The following CSMD1 variants were observed in gnomAD, a reference collection of about 807,000 sequenced individuals.
CSMD1 encodes CUB and sushi domain-containing protein 1.
In CSMD1, 213 loss-of-function variants were observed where a neutral mutation model predicts 417.5. The ratio of observed to expected loss-of-function variants is 0.51; its 90% confidence interval spans 0.46 to 0.57. CSMD1 has a LOEUF of 0.57. Among genes scored for constraint, CSMD1 ranks in the 20% least tolerant of loss-of-function variants. The pLI is 0.00. For synonymous variants in CSMD1, 2,862 were observed against 1,736.8 expected (o/e 1.65, Z -16.11); for missense variants, 6,923 against 4,529.7 (o/e 1.53, Z -15.17).
intron 23 of CSMD1, among the ~76,000 whole-genome samples, chr8:3,318,472 A>G (rs1002608696): frequency 7.2e-5 from 11 of 152,198 alleles, no homozygotes; most frequent in Non-Finnish European, 1.6e-4. Context: ...CTCACCAGAA[A>G]CTCATAGTCT....
intron 3 of CSMD1, among the ~76,000 whole-genome samples, chr8:4,188,567 A>T (rs1161221973): frequency 6.6e-6 from 1 of 152,120 alleles, no homozygotes; most frequent in Non-Finnish European, 1.5e-5. Flanking sequence ...TGAGGTAGAC[A>T]CTGTCAACTG....
intron 1 of CSMD1, among the ~76,000 whole-genome samples, chr8:4,852,806 AGGAACTTACTG>A (rs1801557416): frequency 6.6e-6 from 1 of 152,162 alleles, no homozygotes; most frequent in African/African-American, 2.4e-5. Flanking sequence ...GATGAAAATG[AGGAACTTACTG>A]GGAACTGGAG....
At chr8:4,366,740 G>A (rs549081552) in intron 3 of CSMD1, among the ~76,000 whole-genome samples, 1 of 151,632 alleles carries the variant, frequency 6.6e-6, no homozygotes, top group Non-Finnish European at 1.5e-5. Context: ...TAAGTTTTAG[G>A]GTACATGTGA....
intron 3 of CSMD1, among the ~76,000 whole-genome samples, chr8:4,122,017 T>C (rs1365539176): frequency 2.0e-5 from 3 of 152,048 alleles, no homozygotes; most frequent in Non-Finnish European, 4.4e-5. Flanking sequence ...AGAATAATTT[T>C]AAATCTATAA....
At chr8:4,716,241 C>A (rs1808647816) in intron 1 of CSMD1, among the ~76,000 whole-genome samples, 1 of 152,170 alleles carries the variant, frequency 6.6e-6, no homozygotes, top group African/African-American at 2.4e-5. Context: ...TGCCAAGAAT[C>A]CTTACACTTC....
rs75549574 is a variant in CSMD1, at chr8:4,699,079, T to A, written c.86-61521A>T. Among the ~76,000 whole-genome samples the A allele has an allele frequency of 8.5e-5, 13 of 152,308 alleles. No homozygotes were observed. The East Asian group carries it at 2.5e-3, about 29-fold the overall frequency. Reference sequence around the variant, plus strand: ...GAAAAAATGTGCTTTGACGTAGATGTCCTGCTAGAGTTTGAGGTCTTCGCT... The same window carrying A: ...GAAAAAATGTGCTTTGACGTAGATGACCTGCTAGAGTTTGAGGTCTTCGCT... On this transcript the variant is annotated intron_variant, in intron 1 of 69. Transcript: ENST00000635120.
chr8:4,259,096 A>C (rs987171842), intron 3 of CSMD1, among the ~76,000 whole-genome samples: 3 of 152,298 alleles, frequency 2.0e-5, no homozygotes, highest in Admixed American at 1.3e-4. Context: ...TGTAGCATTT[A>C]CCTCTGAAAG....
intron 55 of CSMD1, among the ~76,000 whole-genome samples, chr8:2,978,408 C>A (rs189851059): frequency 1.3e-5 from 2 of 152,158 alleles, no homozygotes; most frequent in East Asian, 3.8e-4. Flanking sequence ...ATACCAGCAT[C>A]CCCCGACCCT....
At chr8:3,645,397 C>T (rs1192836689) in intron 7 of CSMD1, among the ~76,000 whole-genome samples, 14 of 152,320 alleles carry the variant, frequency 9.2e-5, no homozygotes, top group Middle Eastern at 3.4e-3. Context: ...TGAAGCTCGG[C>T]TTCGGGTGTC....
At chr8:4,247,252 G>A (rs959667846) in intron 3 of CSMD1, among the ~76,000 whole-genome samples, 1 of 152,150 alleles carries the variant, frequency 6.6e-6, no homozygotes, top group Non-Finnish European at 1.5e-5. Flanking sequence ...TAACTATTGA[G>A]TACAATGACC....
chr8:4,069,546 C>CT (rs1334980304), intron 3 of CSMD1, among the ~76,000 whole-genome samples: 1 of 152,220 alleles, frequency 6.6e-6, no homozygotes, highest in East Asian at 1.9e-4. Context: ...CACCCTCCCT[C>CT]TCCGCCTCCC....
At chr8:4,166,357 G>A (rs1417715811) in intron 3 of CSMD1, among the ~76,000 whole-genome samples, 3 of 152,076 alleles carry the variant, frequency 2.0e-5, no homozygotes, top group Non-Finnish European at 2.9e-5. Context: ...TACACCTACA[G>A]CACATGTTAT....
intron 4 of CSMD1, among the ~76,000 whole-genome samples, chr8:4,001,522 C>A (rs774964509): frequency 1.6e-3 from 243 of 152,298 alleles, no homozygotes; most frequent in African/African-American, 5.6e-3. Context: ...TGAGTACCAA[C>A]CCTGATCAAA....
intron 1 of CSMD1, among the ~76,000 whole-genome samples, chr8:4,920,378 G>C (rs1806356478): frequency 6.6e-6 from 1 of 152,210 alleles, no homozygotes; most frequent in South Asian, 2.1e-4. Flanking sequence ...AATGCATATG[G>C]AAATGCTGGC....
At chr8:4,554,361 T>A (rs1797999918) in intron 2 of CSMD1, among the ~76,000 whole-genome samples, 1 of 152,132 alleles carries the variant, frequency 6.6e-6, no homozygotes, top group African/African-American at 2.4e-5. Flanking sequence ...GGTCTGAAAC[T>A]CCTGACCTCA....
rs1161116626 is a variant in CSMD1 at position 4,733,189 on chromosome 8, C to G, written c.86-95631G>C. ...TACCAAGTACTGAAAAAAGCGAAAC[C>G]ATGTTGAACATTACATTCCAAAACA... is the stretch of plus-strand genomic sequence containing the variant. On this transcript the variant is annotated intron_variant, in intron 1 of 69. Transcript: ENST00000635120. Among the ~76,000 whole-genome samples the G allele has an allele frequency of 2.6e-5, 4 of 152,250 alleles. No individual in the cohort carries two copies. In the South Asian group the frequency reaches 6.2e-4, roughly 24 times the overall value.
At chr8:3,403,295 T>C (rs774645678) in intron 15 of CSMD1, among the ~76,000 whole-genome samples, 2 of 152,194 alleles carry the variant, frequency 1.3e-5, no homozygotes, top group African/African-American at 2.4e-5. Context: ...ACTGCTTCAT[T>C]GCTATTTTAT....
At chr8:4,193,669 C>G (rs888515389) in intron 3 of CSMD1, among the ~76,000 whole-genome samples, 2 of 152,090 alleles carry the variant, frequency 1.3e-5, no homozygotes, top group Non-Finnish European at 2.9e-5. Context: ...CCAAACACGG[C>G]AAACCACAGC....
chr8:2,965,120 G>A (rs945380443), intron 59 of CSMD1, among the ~76,000 whole-genome samples: 2 of 152,172 alleles, frequency 1.3e-5, no homozygotes, highest in East Asian at 1.9e-4. Flanking sequence ...CTGTCACCAC[G>A]CAAATCCCTG....
Sources: allele counts gnomAD v4.1 joint callset (sites outside exome capture counted in the v4.1 genomes callset), GRCh38; gene constraint gnomAD v4.1.1; transcripts MANE v1.5; gene names NCBI Gene and HGNC (gene_info 2026-07-23, HGNC 2026-07-21).